The following PARM1 variants were observed in gnomAD, a reference collection of about 807,000 sequenced individuals.
PARM1 encodes the protein WSC4, cell wall integrity and stress response component 4 homolog.
PARM1 carries 14 observed loss-of-function variants against 24.6 expected under a neutral mutation model. That is an observed-to-expected ratio of 0.57 (90% CI 0.38 to 0.89). The LOEUF (loss-of-function observed/expected upper bound fraction) is 0.89, where lower values mean the gene tolerates loss of function less well. Among genes scored for constraint, PARM1 ranks in the 40% least tolerant of loss-of-function variants. The pLI, the probability that PARM1 is intolerant of heterozygous loss-of-function variation, is 0.00. For synonymous variants in PARM1, 179 were observed against 156.6 expected (o/e 1.14, Z -1.07); for missense variants, 362 against 380.4 (o/e 0.95, Z 0.40).
At chr4:74,986,106 A>G (rs1172755676) in intron 1 of PARM1, among the ~76,000 whole-genome samples, 2 of 152,160 alleles carry the variant, frequency 1.3e-5, no homozygotes, top group Non-Finnish European at 2.9e-5. Context: ...TTTTAATGAT[A>G]ATGCTGAGAG....
At chr4:74,999,744 C>A (rs1379886659) in intron 1 of PARM1, among the ~76,000 whole-genome samples, 1 of 152,070 alleles carries the variant, frequency 6.6e-6, no homozygotes, top group Non-Finnish European at 1.5e-5. Context: ...CTAGCTTATA[C>A]CTCAAAGCAC....
chr4:74,962,006 A>G (rs1721785203), intron 1 of PARM1, among the ~76,000 whole-genome samples: 1 of 152,126 alleles, frequency 6.6e-6, no homozygotes, highest in Admixed American at 6.5e-5. Context: ...TTTTAAAACT[A>G]TTATCAGTTT....
At chr4:75,028,151 A>G (rs748281556) in intron 2 of PARM1, among the ~76,000 whole-genome samples, 1 of 152,258 alleles carries the variant, frequency 6.6e-6, no homozygotes, top group Non-Finnish European at 1.5e-5. Context: ...CACAGTAAGT[A>G]ACAGGAAAGT....
At chr4:75,017,884 G>T (rs1374528469) in intron 2 of PARM1, among the ~76,000 whole-genome samples, 1 of 152,234 alleles carries the variant, frequency 6.6e-6, no homozygotes, top group Non-Finnish European at 1.5e-5. Flanking sequence ...AGTAAAATAG[G>T]ATAGGGATAG....
chr4:75,023,748 C>G (rs1195895622), intron 2 of PARM1, among the ~76,000 whole-genome samples: 1 of 152,150 alleles, frequency 6.6e-6, no homozygotes. Flanking sequence ...CTGAAGATTT[C>G]TAGCTAAGAG....
intron 2 of PARM1, among the ~76,000 whole-genome samples, chr4:75,030,543 T>C (rs1054093892): frequency 4.6e-5 from 7 of 151,924 alleles, no homozygotes; most frequent in Non-Finnish European, 7.4e-5. Flanking sequence ...TTCAAAGAGG[T>C]TTTGGTTCAC....
At chr4:75,018,184 T>C (rs950594598) in intron 2 of PARM1, among the ~76,000 whole-genome samples, 1 of 152,228 alleles carries the variant, frequency 6.6e-6, no homozygotes, top group Non-Finnish European at 1.5e-5. Context: ...GACATTACAA[T>C]GTAGTGTGCA....
chr4:74,971,448 A>AT (rs202183240), intron 1 of PARM1, among the ~76,000 whole-genome samples: 4 of 151,586 alleles, frequency 2.6e-5, no homozygotes, highest in Non-Finnish European at 4.4e-5. Flanking sequence ...ATCATATCAG[A>AT]TTTTTTTTTA....
intron 1 of PARM1, among the ~76,000 whole-genome samples, chr4:74,989,831 T>C (rs539574927): frequency 6.6e-6 from 1 of 152,268 alleles, no homozygotes; most frequent in East Asian, 1.9e-4. Context: ...CAAAGTGTTT[T>C]AGGAGATGTA....
In PARM1 at chr4:75,033,924, C is replaced by T. The variant is rs1156433273; in HGVS notation, c.811C>T (p.Leu271=). ...TACCGTGACAGTCATTGCCGTGGTGCTGCTGGTGTTTGGAGTTGCAGCCTA... is the reference window on the plus strand; with the variant it reads ...TACCGTGACAGTCATTGCCGTGGTGTTGCTGGTGTTTGGAGTTGCAGCCTA... The part of the protein sequence containing the change: ...AITVTVIAVV[L]LVFGVAAYLK... The change falls in exon 3 of 4, where the codon CTG becomes TTG. Residue 271 remains leucine (L), a synonymous_variant. Coordinates refer to ENST00000307428, the MANE Select transcript of PARM1 (RefSeq NM_015393.4). 3.1e-6 allele frequency: 5 copies of T among 1,604,242 alleles called. No individual in the cohort carries two copies. Among genetic ancestry groups the T allele is most frequent in the Non-Finnish European group, 4.3e-6 (5 of 1,175,332 alleles).
chr4:75,042,359 T>C (rs1379656992), intron 3 of PARM1, among the ~76,000 whole-genome samples: 1 of 152,208 alleles, frequency 6.6e-6, no homozygotes, highest in Non-Finnish European at 1.5e-5. Context: ...TTAAGACTTT[T>C]AGTAAATAAA....
Position 74,933,214 on chromosome 4 carries a change from G to A in PARM1, c.-114G>A. On this transcript the variant is annotated 5_prime_UTR_variant, in exon 1 of 4. Coordinates refer to ENST00000307428, the MANE Select transcript of PARM1 (RefSeq NM_015393.4). ...TCCACTGGAGCTGTTCGCGCCTCCCGGCTCCCACCGCAGCCCACCCGGCAG... is the reference window on the plus strand; with the variant it reads ...TCCACTGGAGCTGTTCGCGCCTCCCAGCTCCCACCGCAGCCCACCCGGCAG... 2.3e-6 allele frequency: 2 copies of A among 864,922 alleles called. No homozygotes were observed. The highest frequency in any genetic ancestry group is 4.1e-5 in the Admixed American group (2 of 48,482). The allele number at this position is 864,922 out of a possible 1,614,324, so 53.6% of individuals were successfully genotyped here.
chr4:75,001,472 G>A (rs1442835133), intron 1 of PARM1, among the ~76,000 whole-genome samples: 1 of 152,202 alleles, frequency 6.6e-6, no homozygotes, highest in African/African-American at 2.4e-5. Context: ...TCTTTGGAGA[G>A]TTAAGTGTTG....
At chr4:75,000,013 G>A (rs2109786033) in intron 1 of PARM1, among the ~76,000 whole-genome samples, 1 of 152,060 alleles carries the variant, frequency 6.6e-6, no homozygotes, top group Admixed American at 6.5e-5. Flanking sequence ...GGCTTTCCTG[G>A]GCATCAGCTT....
rs370064098 is a variant in PARM1, at chr4:74,995,958, C to G, written c.44-16467C>G. 3.3e-3 allele frequency among the ~76,000 whole-genome samples: 507 copies of G among 152,240 alleles called. 6 individuals are homozygous for G. Among genetic ancestry groups the G allele is most frequent in the African/African-American group, 0.011 (472 of 41,542 alleles). On this transcript the variant is annotated intron_variant, in intron 1 of 3. Coordinates refer to ENST00000307428, the MANE Select transcript of PARM1 (RefSeq NM_015393.4). ...ATTTTTTTAGCCTTGTCTCTCATCC[C>G]TCTCCATTTTGCATCCTAAGTCCCA... is the stretch of plus-strand genomic sequence containing the variant.
chr4:74,951,829 G>A (rs1278013464), intron 1 of PARM1, among the ~76,000 whole-genome samples: 1 of 152,136 alleles, frequency 6.6e-6, no homozygotes, highest in African/African-American at 2.4e-5. Flanking sequence ...TCTTTATCCA[G>A]TCTATCATGG....
At chr4:74,935,278 G>A (rs1180459025) in intron 1 of PARM1, among the ~76,000 whole-genome samples, 1 of 152,092 alleles carries the variant, frequency 6.6e-6, no homozygotes, top group African/African-American at 2.4e-5. Context: ...AATGGACACT[G>A]CATTCCCCCT....
intron 3 of PARM1, among the ~76,000 whole-genome samples, chr4:75,036,269 C>T (rs1315169977): frequency 6.6e-6 from 1 of 152,234 alleles, no homozygotes; most frequent in Non-Finnish European, 1.5e-5. Flanking sequence ...TTCCTCTTCA[C>T]TTTGGCAAGA....
Position 75,001,950 on chromosome 4 carries a change from A to C in PARM1, c.44-10475A>C, listed in dbSNP as rs147052015. Among the ~76,000 whole-genome samples, 1,496 of 152,314 alleles carry C rather than the reference A, an allele frequency of 9.8e-3. 82 individuals are homozygous for C. The highest frequency in any genetic ancestry group is 0.085 in the Admixed American group (1,305 of 15,302). ...CAACATGAATACAAAGCCTGGTTGC[A>C]TTTCATGAACATTATCCTATAATCA... On this transcript the variant is annotated intron_variant, in intron 1 of 3. Transcript: ENST00000307428.
Sources: allele counts gnomAD v4.1 joint callset (sites outside exome capture counted in the v4.1 genomes callset), GRCh38; gene constraint gnomAD v4.1.1; transcripts MANE v1.5; gene names NCBI Gene and HGNC (gene_info 2026-07-23, HGNC 2026-07-21).